SCGB2B2: variants seen among roughly 807,000 people sequenced by gnomAD.
SCGB2B2 encodes secretoglobin-like protein.
SCGB2B2 carries 11 observed loss-of-function variants against 7.6 expected under a neutral mutation model. That is an observed-to-expected ratio of 1.45 (90% CI 0.91 to 2.40). The LOEUF is 2.40. Ranked by LOEUF, SCGB2B2 falls within the 30% of genes most tolerant of loss-of-function variation. SCGB2B2 has a pLI of 0.00. For missense variants in SCGB2B2, 104 were observed against 115.4 expected, an observed-to-expected ratio of 0.90 and a Z score of 0.45; for synonymous variants, 50 against 48.6, an observed-to-expected ratio of 1.03 and a Z score of -0.12.
chr19:34,662,066 G>A (rs1173907288), intron 1 of SCGB2B2, among the ~76,000 whole-genome samples: 1 of 151,962 alleles, frequency 6.6e-6, no homozygotes, highest in Non-Finnish European at 1.5e-5. Flanking sequence ...ATTTTTAGTG[G>A]AGAGGAGCTT....
At chr19:34,631,983 A>G (rs979933857) in intron 1 of SCGB2B2, 1 of 152,188 alleles carries the variant, frequency 6.6e-6, no homozygotes, top group Non-Finnish European at 1.5e-5. Context: ...AAATAATTTT[A>G]AAGAAAGGTG....
chr19:34,590,397 TCATCCATTCATC>T (rs959980244), downstream of SCGB2B2, among the ~76,000 whole-genome samples: 2 of 71,890 alleles, frequency 2.8e-5, no homozygotes, highest in Non-Finnish European at 8.7e-5. Flanking sequence ...ATCCATCCAT[TCATCCATTCATC>T]CATCCATCCA....
At chr19:34,617,406 T>TC (rs1311613664) in intron 1 of SCGB2B2, among the ~76,000 whole-genome samples, 2 of 151,630 alleles carry the variant, frequency 1.3e-5, no homozygotes, top group Non-Finnish European at 2.9e-5. Context: ...TTCACATCCC[T>TC]TGTAAGTTGG....
chr19:34,643,686 T>C (rs538865720), intron 1 of SCGB2B2, among the ~76,000 whole-genome samples: 110 of 152,276 alleles, frequency 7.2e-4, no homozygotes, highest in African/African-American at 2.6e-3. Flanking sequence ...ATGTACTCCA[T>C]AAACATGGAA....
intron 1 of SCGB2B2, among the ~76,000 whole-genome samples, chr19:34,659,446 G>C (rs1156576429): frequency 3.3e-5 from 5 of 152,128 alleles, no homozygotes; most frequent in African/African-American, 7.2e-5. Flanking sequence ...AAAGTCTCAG[G>C]ATACAAAATC....
At chr19:34,664,345 C>T (rs1220702507) in intron 1 of SCGB2B2, among the ~76,000 whole-genome samples, 1 of 152,220 alleles carries the variant, frequency 6.6e-6, no homozygotes, top group Non-Finnish European at 1.5e-5. Flanking sequence ...CCAACAGCAC[C>T]ACTGGGTCCC....
At chr19:34,650,757 G>T (rs914826652) in intron 1 of SCGB2B2, among the ~76,000 whole-genome samples, 1 of 151,170 alleles carries the variant, frequency 6.6e-6, no homozygotes, top group Admixed American at 6.6e-5. Context: ...CATTTTACAA[G>T]ACCAACATTA....
downstream of SCGB2B2, among the ~76,000 whole-genome samples, chr19:34,589,574 A>G (rs910290930): frequency 6.6e-6 from 1 of 152,164 alleles, no homozygotes; most frequent in African/African-American, 2.4e-5. Context: ...GGGGAGATGA[A>G]CAGAGTTGGA....
Position 34,621,837 on chromosome 19 carries a change from G to A in SCGB2B2, c.-2031-25243C>T, listed in dbSNP as rs368190002. Among the ~76,000 whole-genome samples the A allele has an allele frequency of 2.1e-3, 318 of 152,258 alleles. 2 individuals are homozygous for A. The highest frequency in any genetic ancestry group is 3.5e-3 in the Non-Finnish European group (240 of 68,002). Reference sequence around the variant, plus strand: ...CTGGGTTTTCTAGGGGAGTTTCTTTGAGGTCCTCCTTGGCTGCATAGGTTT... The same window carrying A: ...CTGGGTTTTCTAGGGGAGTTTCTTTAAGGTCCTCCTTGGCTGCATAGGTTT... On this transcript the variant is annotated intron_variant, in intron 1 of 3. Transcript: ENST00000601241.
intron 1 of SCGB2B2, chr19:34,645,741 G>T: frequency 5.3e-6 from 2 of 377,370 alleles, no homozygotes; most frequent in Non-Finnish European, 5.3e-6. Flanking sequence ...GAAGCGGGCA[G>T]GGCTGAGAGG....
intron 1 of SCGB2B2, among the ~76,000 whole-genome samples, chr19:34,667,505 T>C (rs2902473): frequency 0.12 from 18,115 of 152,100 alleles, 1,108 homozygotes; most frequent in East Asian, 0.22. Flanking sequence ...TTGGGGCTGA[T>C]TGCGGGCCAC....
At chr19:34,636,365 G>A (rs1323897313) in intron 1 of SCGB2B2, among the ~76,000 whole-genome samples, 3 of 152,174 alleles carry the variant, frequency 2.0e-5, no homozygotes, top group African/African-American at 4.8e-5. Flanking sequence ...CTAGGGAGGA[G>A]CAAGGGCACA....
intron 1 of SCGB2B2, among the ~76,000 whole-genome samples, chr19:34,660,156 T>C (rs1395713037): frequency 2.0e-5 from 3 of 152,180 alleles, no homozygotes; most frequent in African/African-American, 7.2e-5. Context: ...AAGACTTAAA[T>C]GTAAGACCTA....
chr19:34,602,341 T>A (rs1221789382), intron 1 of SCGB2B2, among the ~76,000 whole-genome samples: 1 of 152,212 alleles, frequency 6.6e-6, no homozygotes, highest in African/African-American at 2.4e-5. Context: ...TCATTGACTT[T>A]GCTAATATAT....
At chr19:34,618,369 G>A (rs995628967) in intron 1 of SCGB2B2, among the ~76,000 whole-genome samples, 1 of 152,166 alleles carries the variant, frequency 6.6e-6, no homozygotes, top group Non-Finnish European at 1.5e-5. Flanking sequence ...AATTCTATAA[G>A]AAAAACCTGT....
chr19:34,602,792 G>C (rs2065667553), intron 1 of SCGB2B2, among the ~76,000 whole-genome samples: 1 of 152,058 alleles, frequency 6.6e-6, no homozygotes, highest in African/African-American at 2.4e-5. Flanking sequence ...TGCTAGCCTT[G>C]GGTGTTTTCT....
chr19:34,603,307 A>C (rs1363668575), intron 1 of SCGB2B2, among the ~76,000 whole-genome samples: 2 of 152,226 alleles, frequency 1.3e-5, no homozygotes, highest in Admixed American at 6.5e-5. Flanking sequence ...ATTAATGTGC[A>C]TGAGGCTCAC....
intron 1 of SCGB2B2, among the ~76,000 whole-genome samples, chr19:34,603,442 A>C (rs1471856022): frequency 6.6e-6 from 1 of 152,170 alleles, no homozygotes; most frequent in Non-Finnish European, 1.5e-5. Context: ...ACATGGTCCT[A>C]ATCATGTCTT....
chr19:34,644,839 A>C lies in SCGB2B2; in HGVS notation c.-2032+30791T>G, dbSNP rs540648951. Reference sequence around the variant, plus strand: ...GCAAGTAGAAACATTTATAATTAACACAATATTTTATGAAAGGCTCATATG... The same window carrying C: ...GCAAGTAGAAACATTTATAATTAACCCAATATTTTATGAAAGGCTCATATG... On this transcript the variant is annotated intron_variant, in intron 1 of 3. Coordinates refer to ENST00000601241, the MANE Select transcript of SCGB2B2 (RefSeq NM_001025591.4). 8.5e-5 allele frequency among the ~76,000 whole-genome samples: 13 copies of C among 152,356 alleles called. No individual in the cohort carries two copies. The South Asian group carries it at 2.7e-3, about 32-fold the overall frequency.
Sources: allele counts gnomAD v4.1 joint callset (sites outside exome capture counted in the v4.1 genomes callset), GRCh38; gene constraint gnomAD v4.1.1; transcripts MANE v1.5; gene names NCBI Gene and HGNC (gene_info 2026-07-23, HGNC 2026-07-21).